Variants in ENPP2 observed in about 807,000 individuals in gnomAD.
ENPP2 encodes ectonucleotide pyrophosphatase/phosphodiesterase 2, also known as autotaxin.
Under a neutral mutation model 120.2 loss-of-function variants are expected in ENPP2, and 51 were observed. That is an observed-to-expected ratio of 0.42 (90% CI 0.34 to 0.54). ENPP2 has a LOEUF of 0.54. Among genes scored for constraint, ENPP2 ranks in the 20% least tolerant of loss-of-function variants. The pLI is 0.04. For synonymous variants in ENPP2, 365 were observed against 366.4 expected (o/e 1.00, Z 0.04); for missense variants, 920 against 1,066.5 (o/e 0.86, Z 1.91).
chr8:119,623,331 GGT>G (rs1816041471), intron 3 of ENPP2, among the ~76,000 whole-genome samples: 1 of 151,984 alleles, frequency 6.6e-6, no homozygotes, highest in Non-Finnish European at 1.5e-5. Flanking sequence ...CGGGCATGGT[GGT>G]GCATGCCTGT....
At chr8:119,620,682 G>C (rs1291312103) in intron 4 of ENPP2, among the ~76,000 whole-genome samples, 1 of 152,124 alleles carries the variant, frequency 6.6e-6, no homozygotes, top group East Asian at 1.9e-4. Context: ...GAGAATAACT[G>C]CATCTTTTAT....
At chr8:119,593,063 T>C in intron 12 of ENPP2, 1 of 440,122 alleles carries the variant, frequency 2.3e-6, no homozygotes. Context: ...GAACTCAGTC[T>C]GCATGTCTCT....
chr8:119,606,840 C>A (rs1399560620), intron 9 of ENPP2, among the ~76,000 whole-genome samples: 6 of 148,150 alleles, frequency 4.0e-5, no homozygotes, highest in African/African-American at 1.3e-4. Context: ...AATACAGAAA[C>A]AGCTTTAGGT....
intron 11 of ENPP2, among the ~76,000 whole-genome samples, chr8:119,594,898 C>A (rs16892839): frequency 0.035 from 5,256 of 152,230 alleles, 308 homozygotes; most frequent in African/African-American, 0.12. Context: ...GAATCAAGAC[C>A]TTTCCTCCTG....
intron 1 of ENPP2, among the ~76,000 whole-genome samples, chr8:119,672,003 G>C (rs1427427742): frequency 6.6e-6 from 1 of 152,212 alleles, no homozygotes; most frequent in Admixed American, 6.5e-5. Flanking sequence ...GTGTGTGTGC[G>C]TGGGAGGGGG....
intron 23 of ENPP2, 80 bp from the exon 24 acceptor site, chr8:119,563,093 A>G: frequency 8.1e-7 from 1 of 1,232,420 alleles, no homozygotes; most frequent in Non-Finnish European, 1.2e-6. Flanking sequence ...ATCAATGAAT[A>G]TTGCCTAAGT....
intron 1 of ENPP2, among the ~76,000 whole-genome samples, chr8:119,665,366 C>T (rs899197760): frequency 3.3e-5 from 5 of 152,156 alleles, no homozygotes; most frequent in Admixed American, 6.5e-5. Flanking sequence ...GTCTTTAAGA[C>T]GATAAATTAT....
intron 3 of ENPP2, among the ~76,000 whole-genome samples, chr8:119,622,856 A>C (rs903998416): frequency 1.3e-5 from 2 of 152,184 alleles, no homozygotes; most frequent in Admixed American, 6.5e-5. Flanking sequence ...GTCTGTCTTC[A>C]TGGAGCTTAC....
chr8:119,582,209 T>C (rs1249652370), intron 18 of ENPP2, among the ~76,000 whole-genome samples: 1 of 152,254 alleles, frequency 6.6e-6, no homozygotes, highest in Non-Finnish European at 1.5e-5. Flanking sequence ...ATACCTGTGC[T>C]ATTCAATATG....
upstream of ENPP2, among the ~76,000 whole-genome samples, chr8:119,639,568 C>T (rs1006899492): frequency 1.3e-5 from 2 of 151,788 alleles, no homozygotes; most frequent in Admixed American, 6.6e-5. Flanking sequence ...CAGTCTCTGC[C>T]TCTTCTTCCC....
At chr8:119,673,111 T>A (rs575587180) in intron 1 of ENPP2, 9 of 684,866 alleles carry the variant, frequency 1.3e-5, no homozygotes, top group African/African-American at 1.2e-4. Context: ...TCCAGCTGAG[T>A]GCACGGGAAC....
chr8:119,660,255 T>C (rs1410645479), intron 1 of ENPP2, among the ~76,000 whole-genome samples: 1 of 152,224 alleles, frequency 6.6e-6, no homozygotes, highest in Non-Finnish European at 1.5e-5. Flanking sequence ...ACAAATGTCT[T>C]GTGGACCACA....
chr8:119,662,275 ACAT>A (rs1392971305), intron 1 of ENPP2, among the ~76,000 whole-genome samples: 2 of 152,230 alleles, frequency 1.3e-5, no homozygotes, highest in Admixed American at 1.3e-4. Context: ...ATGTATCAAA[ACAT>A]CATGTTGTAT....
At chr8:119,657,949 G>A (rs115364610) in intron 1 of ENPP2, among the ~76,000 whole-genome samples, 9 of 152,146 alleles carry the variant, frequency 5.9e-5, no homozygotes, top group East Asian at 1.9e-4. Context: ...CACACACAAC[G>A]TGGCTCATCC....
At chr8:119,648,290 G>T (rs1817530504) in intron 1 of ENPP2, among the ~76,000 whole-genome samples, 1 of 152,178 alleles carries the variant, frequency 6.6e-6, no homozygotes, top group Non-Finnish European at 1.5e-5. Flanking sequence ...AAAGTGCTGG[G>T]CATAGAGTGC....
At chr8:119,636,886 C>A (rs1240256993) in intron 2 of ENPP2, among the ~76,000 whole-genome samples, 1 of 152,024 alleles carries the variant, frequency 6.6e-6, no homozygotes, top group African/African-American at 2.4e-5. Context: ...CAACACCACA[C>A]AGCAAGTTAC....
chr8:119,610,778 C>G (rs957969581), intron 8 of ENPP2, among the ~76,000 whole-genome samples: 5 of 152,002 alleles, frequency 3.3e-5, no homozygotes, highest in Non-Finnish European at 5.9e-5. Context: ...TGATAGGCAC[C>G]TGTAATCCCA....
chr8:119,574,237 T>G (rs987822129), intron 19 of ENPP2, among the ~76,000 whole-genome samples: 15 of 152,168 alleles, frequency 9.9e-5, no homozygotes, highest in African/African-American at 3.6e-4. Flanking sequence ...ACTGCATTTT[T>G]GTTGAGCAAA....
At chr8:119,654,613 G>A (rs960925105) in intron 1 of ENPP2, among the ~76,000 whole-genome samples, 1 of 151,498 alleles carries the variant, frequency 6.6e-6, no homozygotes, top group African/African-American at 2.4e-5. Flanking sequence ...ACAAAGTGCT[G>A]GAATAACAGG....
Sources: allele counts gnomAD v4.1 joint callset (sites outside exome capture counted in the v4.1 genomes callset), GRCh38; gene constraint gnomAD v4.1.1; transcripts MANE v1.5; gene names NCBI Gene and HGNC (gene_info 2026-07-23, HGNC 2026-07-21).